Variants in MAP3K11 observed in about 807,000 individuals in gnomAD.
The protein encoded by MAP3K11 is mitogen-activated protein kinase kinase kinase 11.
Under a neutral mutation model 84.9 loss-of-function variants are expected in MAP3K11, and 46 were observed. The ratio of observed to expected loss-of-function variants is 0.54; its 90% CI spans 0.43 to 0.69. The LOEUF (loss-of-function observed/expected upper bound fraction) is 0.69. Among genes scored for constraint, MAP3K11 ranks in the 30% least tolerant of loss-of-function variants. The pLI is 0.00. For missense variants in MAP3K11, 1,053 were observed against 1,198.3 expected, an observed-to-expected ratio of 0.88 and a Z score of 1.79; for synonymous variants, 527 against 514.7, an observed-to-expected ratio of 1.02 and a Z score of -0.32.
intron 8 of MAP3K11, among the ~76,000 whole-genome samples, chr11:65,605,058 G>C (rs916706679): frequency 6.6e-6 from 1 of 152,178 alleles, no homozygotes; most frequent in African/African-American, 2.4e-5. Flanking sequence ...TGGAGCTGAA[G>C]CCTCTCTGGG....
chr11:65,598,204 G>T lies in MAP3K11; in HGVS notation c.*87C>A. 8.6e-7 allele frequency: 1 copy of T among 1,157,380 alleles called. No individual in the cohort carries two copies. The highest frequency in any genetic ancestry group is 1.1e-6 in the Non-Finnish European group (1 of 885,636). 71.7% of individuals were successfully genotyped at this position (1,157,380 alleles called of 1,614,324 possible). A position where few individuals can be genotyped will look rare whatever the true frequency, so the allele number is the denominator to read the frequency against. On this transcript the variant is annotated 3_prime_UTR_variant, in exon 10 of 10. Coordinates refer to ENST00000309100, the MANE Select transcript of MAP3K11 (RefSeq NM_002419.4). ...TGGGGTCCCTGGGGAAACTGAGGCA[G>T]CTGCAGAGGCTGACCCAGCTCCTGT...
At chr11:65,606,345 C>T (rs916602109) in intron 6 of MAP3K11, 7 of 451,698 alleles carry the variant, frequency 1.5e-5, no homozygotes, top group Non-Finnish European at 2.3e-5. Context: ...TCTGGCTCTT[C>T]CACTTATTAA....
chr11:65,605,778 G>A lies in MAP3K11; in HGVS notation c.1814C>T (p.Thr605Ile), dbSNP rs145297254. 1.9e-6 allele frequency: 3 copies of A among 1,610,624 alleles called. No individual in the cohort carries two copies. Among genetic ancestry groups the A allele is most frequent in the Admixed American group, 3.4e-5 (2 of 59,250 alleles). Residue 605 changes from threonine (T) to isoleucine (I), a missense_variant, in exon 8 of 10, where the codon ACA becomes ATA. By Grantham distance (89) the Thr-to-Ile change is moderately conservative. Transcript: ENST00000309100. The part of the protein sequence containing the change: ...DDSSPLGSPS[T>I]PPALNGNPPR... ...CCACTCACCATTGAGTGCTGGGGGT[G>A]TGGAAGGAGATCCTAAGGGGGATGA...
At position 65,598,624 on chromosome 11, in the gene MAP3K11, G is replaced by A. The variant is rs1184677457; in HGVS notation, c.2211C>T (p.Gly737=). ...ATGTCCCCGGTGGGGGTGAGACAGT[G>A]CCTCCTGTGAGGATATAGGAGGGGC... ...SPRREEEPRG[G]TVSPPPGTSR... is the part of the protein sequence containing the mutation. The change falls in exon 10 of 10, where the codon GGC becomes GGT. Residue 737 remains glycine, a synonymous_variant. Coordinates refer to ENST00000309100, the MANE Select transcript of MAP3K11 (RefSeq NM_002419.4). The A allele has an allele frequency of 3.8e-5, 58 of 1,510,544 alleles. 1 individual carries two copies. In the East Asian group the frequency reaches 1.4e-3, roughly 35 times the overall value. The allele number at this position is 1,510,544 out of a possible 1,614,324, so 93.6% of individuals were successfully genotyped here.
At chr11:65,606,150 A>G (rs1151527) in intron 6 of MAP3K11, 69 bp from the exon 7 acceptor site, 1,475,591 of 1,477,026 alleles carry the variant, frequency 1, 737,091 homozygotes, top group East Asian at 1. Context: ...CAGGCTTCAG[A>G]GATAAACTTT....
At position 65,613,674 on chromosome 11, in the gene MAP3K11, C is replaced by T. The variant is rs1355739728; in HGVS notation, c.83G>A (p.Gly28Glu). ...GSGSGGGGGG[G>E]GGRPEGSPKA... Reference sequence around the variant, plus strand: ...TGGAGACCCCTCAGGCCGGCCTCCTCCACCGCCCCCACCACCCCCGCTGCC... The same window carrying T: ...TGGAGACCCCTCAGGCCGGCCTCCTTCACCGCCCCCACCACCCCCGCTGCC... Residue 28 changes from glycine to glutamate, a missense_variant, in exon 1 of 10, where the codon GGA becomes GAA. Gly to Glu is a moderately conservative substitution (Grantham distance 98, BLOSUM62 -2). Coordinates refer to ENST00000309100, the MANE Select transcript of MAP3K11 (RefSeq NM_002419.4). 6.8e-6 allele frequency: 11 copies of T among 1,607,716 alleles called. No homozygotes were observed. The highest frequency in any genetic ancestry group is 1.3e-5 in the African/African-American group (1 of 74,850).
In MAP3K11 at chr11:65,598,613, G is replaced by A; in HGVS notation, c.2222C>T (p.Pro741Leu). 6.5e-7 allele frequency: 1 copy of A among 1,531,290 alleles called. No individual in the cohort carries two copies. The highest frequency in any genetic ancestry group is 1.4e-5 in the African/African-American group (1 of 73,438). The allele number at this position is 1,531,290 out of a possible 1,614,324, so 94.9% of individuals were successfully genotyped here. Residue 741 changes from proline (P) to leucine (L), a missense_variant, in exon 10 of 10, where the codon CCC becomes CTC. Coordinates refer to ENST00000309100, the MANE Select transcript of MAP3K11 (RefSeq NM_002419.4). ...EEEPRGGTVS[P>L]PPGTSRSAPG... ...AGCAGAGCGTGATGTCCCCGGTGGG[G>A]GTGAGACAGTGCCTCCTGTGAGGAT...
At chr11:65,598,709 C>T in intron 9 of MAP3K11, 81 bp from the exon 10 acceptor site, 1 of 1,066,856 alleles carries the variant, frequency 9.4e-7, no homozygotes, top group Non-Finnish European at 1.3e-6. Flanking sequence ...CTCTGGGCCT[C>T]AGTTTCCCCA....
rs900261135 is a variant in MAP3K11 at position 65,606,740 on chromosome 11, C to T, written c.1554G>A (p.Glu518=). ...AGGTGGGCGAATCCCCAGGCCCGAC[C>T]TCGAAGACGTTTCTCCTCCGGTCAA... The part of the protein sequence containing the change: ...PGLDRRRNVF[E]VGPGDSPTFP... The change falls in exon 6 of 10, where the codon GAG becomes GAA. Residue 518 remains glutamate (E), a synonymous_variant. Transcript: ENST00000309100. 1 of 1,605,280 alleles carries T rather than the reference C, an allele frequency of 6.2e-7. No individual in the cohort carries two copies. Among genetic ancestry groups the T allele is most frequent in the Non-Finnish European group, 8.5e-7 (1 of 1,176,348 alleles).
chr11:65,612,911 G>A, intron 1 of MAP3K11, 107 bp downstream of exon 1: 7 of 1,340,078 alleles, frequency 5.2e-6, no homozygotes, highest in Non-Finnish European at 6.9e-6. Context: ...GACCCCCTAG[G>A]GTGGGAGCTC....
intron 8 of MAP3K11, among the ~76,000 whole-genome samples, chr11:65,602,942 C>CA (rs1854471228): frequency 6.6e-6 from 1 of 152,070 alleles, no homozygotes; most frequent in African/African-American, 2.4e-5. Context: ...CCCATCTCTA[C>CA]AAAAAATATA....
rs749434963 is a variant in MAP3K11 at position 65,607,502 on chromosome 11, G to T, written c.1257C>A (p.Ser419Arg). 1.9e-6 allele frequency: 3 copies of T among 1,573,280 alleles called. No individual in the cohort carries two copies. Among genetic ancestry groups the T allele is most frequent in the Non-Finnish European group, 2.6e-6 (3 of 1,167,866 alleles). The change falls in exon 5 of 10, where the codon AGC (serine) becomes AGA (arginine). Residue 419 changes from serine (S) to arginine (R), a missense_variant. This residue lies in a region of MAP3K11 where 310 missense variants were observed against 464.5 expected (regional missense o/e 0.67). Transcript: ENST00000309100. ...CCGCTCGCGTCAGCTCCTCCTCGCGGCTCAGTAGTTCCTGCGCCCGAGACA... is the reference window on the plus strand; with the variant it reads ...CCGCTCGCGTCAGCTCCTCCTCGCGTCTCAGTAGTTCCTGCGCCCGAGACA... ...ELRAKEKELL[S>R]REEELTRAAR...
intron 1 of MAP3K11, chr11:65,609,591 A>T (rs184052770): frequency 6.6e-6 from 1 of 152,386 alleles, no homozygotes; most frequent in Non-Finnish European, 1.5e-5. Context: ...GGACAAAGTC[A>T]TAGAGTCATG....
In MAP3K11 at chr11:65,613,728, T is replaced by C. The variant is rs1352613333; in HGVS notation, c.29A>G (p.Lys10Arg). The stretch of plus-strand genomic sequence containing the variant: ...GCCATTCCATGACCCTAGAGGGCTC[T>C]TGAGGAAGAGGCTCTTCAAGGGCTC... MEPLKSLFL[K>R]SPLGSWNGSG... The change falls in exon 1 of 10, where the codon AAG becomes AGG. Residue 10 changes from lysine (K) to arginine (R), a missense_variant. Coordinates refer to ENST00000309100, the MANE Select transcript of MAP3K11 (RefSeq NM_002419.4). 3.2e-6 allele frequency: 5 copies of C among 1,582,738 alleles called. No homozygotes were observed. Among genetic ancestry groups the C allele is most frequent in the Non-Finnish European group, 4.3e-6 (5 of 1,164,674 alleles).
rs144595056 is a variant in MAP3K11 at position 65,599,525 on chromosome 11, G to A, written c.2075C>T (p.Pro692Leu). 2.7e-6 allele frequency: 4 copies of A among 1,494,058 alleles called. No homozygotes were observed. The highest frequency in any genetic ancestry group is 3.5e-6 in the Non-Finnish European group (4 of 1,127,750). 92.6% of individuals were successfully genotyped at this position (1,494,058 alleles called of 1,614,324 possible). The change falls in exon 9 of 10, where the codon CCT (proline) becomes CTT (leucine). Residue 692 changes from proline (P) to leucine (L), a missense_variant. Around this residue, in one of 3 missense-constraint regions of MAP3K11, gnomAD observed 583 missense variants for 566.6 expected, o/e 1.03. Coordinates refer to ENST00000309100, the MANE Select transcript of MAP3K11 (RefSeq NM_002419.4). ...TPAPCPTEPP[P>L]SPLICFSLKT... ...GAGCGAGAAGCAGATGAGCGGGGAA[G>A]GGGGCGGCTCGGTCGGGCAGGGCGC...
intron 1 of MAP3K11, chr11:65,609,217 T>C (rs965035197): frequency 1.3e-5 from 2 of 151,964 alleles, no homozygotes; most frequent in Non-Finnish European, 2.9e-5. Flanking sequence ...GAACCCCCCT[T>C]AGAGTGGGGA....
Position 65,606,027 on chromosome 11 carries a change from TC to T in MAP3K11, c.1657del (p.Glu553ArgfsTer48). ...AWGRQSPRRL[E>X]DSSNGERRAC... ...TCGCCGCTCTCCATTGCTTGAGTCCTCCAGACGTCGGGGGGACTGGCGGCCC... is the reference window on the plus strand; with the variant it reads ...TCGCCGCTCTCCATTGCTTGAGTCCTCAGACGTCGGGGGGACTGGCGGCCC... On this transcript the variant is annotated frameshift_variant, in exon 7 of 10. Coordinates refer to ENST00000309100, the MANE Select transcript of MAP3K11 (RefSeq NM_002419.4). LOFTEE classifies it high-confidence loss of function. 6.3e-7 allele frequency: 1 copy of T among 1,597,066 alleles called. No individual in the cohort carries two copies. The highest frequency in any genetic ancestry group is 1.8e-5 in the Admixed American group (1 of 56,464).
chr11:65,608,137 C>A, intron 2 of MAP3K11, 67 bp from the exon 3 acceptor site: 3 of 1,599,576 alleles, frequency 1.9e-6, no homozygotes, highest in Non-Finnish European at 2.6e-6. Flanking sequence ...ACTGCCACTT[C>A]ACCCAAAAGC....
intron 8 of MAP3K11, among the ~76,000 whole-genome samples, chr11:65,602,875 G>A (rs1402918201): frequency 6.6e-6 from 1 of 152,026 alleles, no homozygotes; most frequent in South Asian, 2.1e-4. Flanking sequence ...AGCACTTTGG[G>A]AGGCTGGGGT....
Sources: allele counts gnomAD v4.1 joint callset (sites outside exome capture counted in the v4.1 genomes callset), GRCh38; gene constraint gnomAD v4.1.1; regional missense constraint gnomAD v4.1.1; transcripts MANE v1.5; gene names NCBI Gene and HGNC (gene_info 2026-07-23, HGNC 2026-07-21).